Variants in SYN3 observed in about 807,000 individuals in gnomAD.
SYN3 encodes synapsin-3.
A neutral mutation model predicts 65.8 loss-of-function variants in SYN3; 35 were observed. The ratio of observed to expected loss-of-function variants is 0.53; its 90% CI spans 0.41 to 0.70. The LOEUF (loss-of-function observed/expected upper bound fraction) is 0.70, where lower values mean the gene tolerates loss of function less well. Among genes scored for constraint, SYN3 ranks in the 30% least tolerant of loss-of-function variants. SYN3 has a pLI of 0.00. For synonymous variants in SYN3, 270 were observed against 292.9 expected, an observed-to-expected ratio of 0.92 and a Z score of 0.80; for missense variants, 680 against 749.0, an observed-to-expected ratio of 0.91 and a Z score of 1.08.
intron 4 of SYN3, among the ~76,000 whole-genome samples, chr22:32,922,546 AG>A: frequency 6.6e-6 from 1 of 152,258 alleles, no homozygotes; most frequent in East Asian, 1.9e-4. Flanking sequence ...GGCTCAACTA[AG>A]TCCGGATCCA....
chr22:32,568,140 C>G (rs1271653680), intron 7 of SYN3, among the ~76,000 whole-genome samples: 1 of 152,198 alleles, frequency 6.6e-6, no homozygotes, highest in Non-Finnish European at 1.5e-5. Context: ...CTGTGGAGAG[C>G]TGTGCCTCTG....
chr22:32,756,238 T>C (rs1297392910), intron 6 of SYN3, among the ~76,000 whole-genome samples: 2 of 151,378 alleles, frequency 1.3e-5, no homozygotes, highest in African/African-American at 2.4e-5. Context: ...AAAAGTTAAC[T>C]GGAGTCCCCT....
Position 32,805,148 on chromosome 22 carries a change from C to T in SYN3, c.711+59767G>A, listed in dbSNP as rs528294084. On this transcript the variant is annotated intron_variant, in intron 6 of 13. Transcript: ENST00000358763. ...AAGCCCTTCTCTCCTTCTCTCTTGCCGCCTTTGCATGGGAGGAATGGGGCT... is the reference window on the plus strand; with the variant it reads ...AAGCCCTTCTCTCCTTCTCTCTTGCTGCCTTTGCATGGGAGGAATGGGGCT... Among the ~76,000 whole-genome samples, 33 of 152,204 alleles carry T rather than the reference C, an allele frequency of 2.2e-4. No individual in the cohort carries two copies. The South Asian group carries it at 3.3e-3, about 15-fold the overall frequency.
chr22:32,751,889 T>A (rs2045138106), intron 6 of SYN3, among the ~76,000 whole-genome samples: 1 of 152,212 alleles, frequency 6.6e-6, no homozygotes, highest in South Asian at 2.1e-4. Context: ...TTACTATGTG[T>A]CAGCTGGGCA....
intron 7 of SYN3, among the ~76,000 whole-genome samples, chr22:32,543,336 C>T (rs1002230389): frequency 2.0e-5 from 3 of 152,156 alleles, no homozygotes; most frequent in Non-Finnish European, 4.4e-5. Context: ...CAGAGCTAGG[C>T]TTGAAACTCT....
intron 1 of SYN3, among the ~76,000 whole-genome samples, chr22:33,008,953 A>G (rs2053273039): frequency 4.9e-5 from 7 of 141,842 alleles, no homozygotes; most frequent in African/African-American, 1.6e-4. Context: ...AAAAAAAAAA[A>G]AAAAAAAAAA....
At chr22:32,820,242 CTGTGTGTGTGTGTGTGTGTGCGTGCGCG>C (rs1569250000) in intron 6 of SYN3, among the ~76,000 whole-genome samples, 1 of 148,890 alleles carries the variant, frequency 6.7e-6, no homozygotes, top group Non-Finnish European at 1.5e-5. Flanking sequence ...CCTTTCTCCC[CTGTGTGTGTGTGTGTGTGTGCGTGCGCG>C]TGTGTGTGTG....
At chr22:32,940,784 A>G (rs1420973129) in intron 3 of SYN3, among the ~76,000 whole-genome samples, 1 of 152,312 alleles carries the variant, frequency 6.6e-6, no homozygotes, top group South Asian at 2.1e-4. Context: ...ATGACATCAG[A>G]TAGTATAATA....
chr22:32,654,094 TC>T (rs927984781), intron 6 of SYN3, among the ~76,000 whole-genome samples: 3 of 152,170 alleles, frequency 2.0e-5, no homozygotes, highest in African/African-American at 7.2e-5. Context: ...GCCCAAGGTG[TC>T]TCCAGCCAGG....
intron 6 of SYN3, among the ~76,000 whole-genome samples, chr22:32,761,259 T>C (rs956388474): frequency 1.6e-4 from 25 of 152,186 alleles, no homozygotes; most frequent in African/African-American, 5.3e-4. Flanking sequence ...GTTGAGGGGA[T>C]TGGACTAGTT....
intron 6 of SYN3, among the ~76,000 whole-genome samples, chr22:32,756,119 A>G (rs568291430): frequency 7.4e-4 from 113 of 152,282 alleles, no homozygotes; most frequent in African/African-American, 2.6e-3. Context: ...TACCTAATGT[A>G]GATGACAGGT....
intron 6 of SYN3, among the ~76,000 whole-genome samples, chr22:32,759,260 G>A (rs556518498): frequency 2.0e-5 from 3 of 152,254 alleles, no homozygotes; most frequent in African/African-American, 4.8e-5. Flanking sequence ...ATTATTAGCC[G>A]TGTAGGCTTG....
At chr22:32,781,136 C>G (rs955272847) in intron 6 of SYN3, among the ~76,000 whole-genome samples, 1 of 134,582 alleles carries the variant, frequency 7.4e-6, no homozygotes, top group African/African-American at 2.7e-5. Context: ...ATAAACAAAT[C>G]CTTTTAAATT....
chr22:32,628,063 C>T (rs1463776271), intron 6 of SYN3, among the ~76,000 whole-genome samples: 4 of 152,094 alleles, frequency 2.6e-5, no homozygotes, highest in Admixed American at 6.5e-5. Context: ...CTCCTGACCT[C>T]GTGATCCGCC....
chr22:32,750,133 C>G (rs2145647919), intron 6 of SYN3, among the ~76,000 whole-genome samples: 1 of 152,276 alleles, frequency 6.6e-6, no homozygotes, highest in African/African-American at 2.4e-5. Flanking sequence ...AGACAGGCAA[C>G]AGACACATAA....
At chr22:32,694,387 C>T (rs1202784553) in intron 6 of SYN3, among the ~76,000 whole-genome samples, 2 of 152,120 alleles carry the variant, frequency 1.3e-5, no homozygotes, top group East Asian at 3.8e-4. Context: ...AGCTGTTTAG[C>T]CTTAGTTTGG....
chr22:32,856,444 C>T (rs1288226194), intron 6 of SYN3, among the ~76,000 whole-genome samples: 2 of 152,080 alleles, frequency 1.3e-5, no homozygotes, highest in Non-Finnish European at 2.9e-5. Context: ...GGCCACTGGA[C>T]AGCTGAATAG....
chr22:32,846,582 T>C (rs1363579508), intron 6 of SYN3, among the ~76,000 whole-genome samples: 1 of 152,202 alleles, frequency 6.6e-6, no homozygotes, highest in Non-Finnish European at 1.5e-5. Flanking sequence ...ATCATTCCCA[T>C]CTTACAGATT....
chr22:32,858,760 C>T (rs1243141611), intron 6 of SYN3, among the ~76,000 whole-genome samples: 1 of 152,096 alleles, frequency 6.6e-6, no homozygotes, highest in Admixed American at 6.5e-5. Flanking sequence ...GCCCTAGGTC[C>T]CACAGTTCAC....
Sources: allele counts gnomAD v4.1 joint callset (sites outside exome capture counted in the v4.1 genomes callset), GRCh38; gene constraint gnomAD v4.1.1; transcripts MANE v1.5; gene names NCBI Gene and HGNC (gene_info 2026-07-23, HGNC 2026-07-21).